The following NUBP2 variants were observed in gnomAD, a reference collection of about 807,000 sequenced individuals.
NUBP2 encodes cytosolic Fe-S cluster assembly factor NUBP2.
In NUBP2, 23 loss-of-function variants were observed where a neutral mutation model predicts 24.9. That is an observed-to-expected ratio of 0.92 (90% CI 0.66 to 1.31). The LOEUF (loss-of-function observed/expected upper bound fraction) is 1.31. Among genes scored for constraint, NUBP2 ranks in the 50% most tolerant of loss-of-function variants. NUBP2 has a pLI of 0.00. For synonymous variants in NUBP2, 186 were observed against 170.9 expected (o/e 1.09, Z -0.69); for missense variants, 403 against 386.5 (o/e 1.04, Z -0.36).
At chr16:1,787,526 G>C in intron 3 of NUBP2, 151 bp from the exon 4 acceptor site, 2 of 1,032,044 alleles carry the variant, frequency 1.9e-6, no homozygotes, top group Non-Finnish European at 1.4e-6. Flanking sequence ...CAGCGGGCCA[G>C]GGCCTCCCGA....
rs139301301 is a variant in NUBP2, at chr16:1,787,733, G to A, written c.391G>A (p.Val131Met). 2 of 1,612,682 alleles carry A rather than the reference G, an allele frequency of 1.2e-6. No homozygotes were observed. Among genetic ancestry groups the A allele is most frequent in the Non-Finnish European group, 1.7e-6 (2 of 1,179,936 alleles). Residue 131 changes from valine to methionine, a missense_variant, in exon 4 of 7, where the codon GTG becomes ATG. Val to Met is a conservative substitution (Grantham distance 21). Coordinates refer to ENST00000262302, the MANE Select transcript of NUBP2 (RefSeq NM_012225.4). Reference protein sequence around the residue: ...VAWGELDYLVVDTPPGTSDEH... With the variant: ...VAWGELDYLVMDTPPGTSDEH... ...CTGGGGGGAGCTGGACTACCTGGTG[G>A]TGGACACGCCCCCGGGGACCTCCGA...
In NUBP2 at chr16:1,788,728, G is replaced by A. The variant is rs1319320275; in HGVS notation, c.*14G>A. 6.2e-7 allele frequency: 1 copy of A among 1,602,990 alleles called. No homozygotes were observed. The highest frequency in any genetic ancestry group is 8.5e-7 in the Non-Finnish European group (1 of 1,174,096). The stretch of plus-strand genomic sequence containing the variant: ...TGCCTCCCCTGACTAAGGCCACCTT[G>A]CAGCCGCTTTCCAGGGCCACCAAGG... On this transcript the variant is annotated 3_prime_UTR_variant, in exon 7 of 7. Coordinates refer to ENST00000262302, the MANE Select transcript of NUBP2 (RefSeq NM_012225.4).
In NUBP2 at chr16:1,783,392, A is replaced by T. The variant is rs183442573; in HGVS notation, c.16+356A>T. ...CTGCACCGCAGCCCGGGCAAGAGCG[A>T]GACCCTGTCTCTAAATAAATCACAC... On this transcript the variant is annotated intron_variant, in intron 1 of 6. Coordinates refer to ENST00000262302, the MANE Select transcript of NUBP2 (RefSeq NM_012225.4). 5.7e-6 allele frequency: 6 copies of T among 1,059,558 alleles called. No homozygotes were observed. The African/African-American group carries it at 8.4e-5, about 15-fold the overall frequency. 65.6% of individuals were successfully genotyped at this position (1,059,558 alleles called of 1,614,324 possible).
intron 1 of NUBP2, chr16:1,785,080 A>T: frequency 1.0e-6 from 1 of 985,366 alleles, no homozygotes; most frequent in Non-Finnish European, 1.2e-6. Context: ...TACTGTAAAA[A>T]TATATTTGTC....
At chr16:1,783,726 T>C (rs975943097) in intron 1 of NUBP2, 25 of 174,518 alleles carry the variant, frequency 1.4e-4, no homozygotes, top group Admixed American at 3.3e-4. Flanking sequence ...CGGAGTCTCG[T>C]TCTGTCGCCC....
At chr16:1,784,095 C>CTTT in intron 1 of NUBP2, 9 of 744,274 alleles carry the variant, frequency 1.2e-5, no homozygotes, top group Non-Finnish European at 1.5e-5. Context: ...TTGATAGAAG[C>CTTT]TTTTTTTTTT....
rs766097983 is a variant in NUBP2, at chr16:1,785,952, C to T, written c.17-585C>T. 19 of 1,246,734 alleles carry T rather than the reference C, an allele frequency of 1.5e-5. No homozygotes were observed. The South Asian group carries it at 1.7e-4, about 11-fold the overall frequency. The allele number at this position is 1,246,734 out of a possible 1,614,324, so 77.2% of individuals were successfully genotyped here. ...GGTATCTGCACACAGCAGCCCCTGC[C>T]GTGTGGCAGGGACAGGATGGGACCC... On this transcript the variant is annotated intron_variant, in intron 1 of 6. Transcript: ENST00000262302.
In NUBP2 at chr16:1,785,621, G is replaced by A. The variant is rs111805911; in HGVS notation, c.17-916G>A. The A allele has an allele frequency of 5.7e-3, 7,360 of 1,285,490 alleles. 330 individuals carry two copies. The African/African-American group carries it at 0.098, about 17-fold the overall frequency. 79.6% of individuals were successfully genotyped at this position (1,285,490 alleles called of 1,614,324 possible). On this transcript the variant is annotated intron_variant, in intron 1 of 6. Transcript: ENST00000262302. ...GGGGTGACCGGGAGGCCGTGGTCTC[G>A]GGGCTTTGTGTTTGCAGGAGTGTGG...
At chr16:1,788,243 C>G in intron 6 of NUBP2, 36 bp downstream of exon 6, 8 of 1,445,072 alleles carry the variant, frequency 5.5e-6, no homozygotes, top group Middle Eastern at 4.2e-4. Flanking sequence ...GTCGCGGCCT[C>G]CCATTCCATC....
chr16:1,783,504 A>G, intron 1 of NUBP2: 4 of 988,138 alleles, frequency 4.0e-6, no homozygotes, highest in Non-Finnish European at 4.8e-6. Context: ...TGTTCAGAAA[A>G]GTGTAAGTTG....
intron 1 of NUBP2, chr16:1,786,333 G>A (rs1484239361): frequency 1.7e-6 from 1 of 597,984 alleles, no homozygotes; most frequent in Non-Finnish European, 3.0e-6. Context: ...CGTGGTCTTA[G>A]AGGGTCCCCC....
At position 1,786,933 on chromosome 16, in the gene NUBP2, G is replaced by T; in HGVS notation, c.312G>T (p.Val104=). 6.5e-7 allele frequency: 1 copy of T among 1,527,372 alleles called. No homozygotes were observed. The highest frequency in any genetic ancestry group is 8.8e-7 in the Non-Finnish European group (1 of 1,134,332). The allele number at this position is 1,527,372 out of a possible 1,614,324, so 94.6% of individuals were successfully genotyped here. Residue 104 remains valine, a synonymous_variant, in exon 3 of 7, where the codon GTG becomes GTT. Coordinates refer to ENST00000262302, the MANE Select transcript of NUBP2 (RefSeq NM_012225.4). ...TGGAGAAGCCGGACGAGGCCGTGGT[G>T]TGGAGAGGCCCCAAGAAAAACGGTA... ...FLLEKPDEAV[V]WRGPKKNALI...
In NUBP2 at chr16:1,782,961, G is replaced by A; in HGVS notation, c.-60G>A. The A allele has an allele frequency of 7.1e-7, 1 of 1,413,246 alleles. No individual in the cohort carries two copies. The highest frequency in any genetic ancestry group is 9.2e-7 in the Non-Finnish European group (1 of 1,081,634). 87.5% of individuals were successfully genotyped at this position (1,413,246 alleles called of 1,614,324 possible). ...GTTGGAAGGCCCTTCGCTCTAGCTG[G>A]GAGGCTGACGGCCCGCGGGCGTAAG... On this transcript the variant is annotated 5_prime_UTR_variant, in exon 1 of 7. Coordinates refer to ENST00000262302, the MANE Select transcript of NUBP2 (RefSeq NM_012225.4).
chr16:1,785,189 G>A (rs909682735), intron 1 of NUBP2: 23 of 998,358 alleles, frequency 2.3e-5, no homozygotes, highest in African/African-American at 3.5e-5. Context: ...ATGGTGCTTC[G>A]CCTCCTTCCT....
At position 1,783,088 on chromosome 16, in the gene NUBP2, C is replaced by T. The variant is rs559068139; in HGVS notation, c.16+52C>T. 4.5e-4 allele frequency: 552 copies of T among 1,230,054 alleles called. 3 individuals carry two copies. In the African/African-American group the frequency reaches 7.7e-3, roughly 17 times the overall value. The allele number at this position is 1,230,054 out of a possible 1,614,324, so 76.2% of individuals were successfully genotyped here. A position where few individuals can be genotyped will look rare whatever the true frequency, so the allele number is the denominator to read the frequency against. ...CGCTCCAGGGCCTCGCTTGGGGCCC[C>T]GCCGCGTCCCTTCCCGGGGCGGCCT... On this transcript the variant is annotated intron_variant, in intron 1 of 6. Transcript: ENST00000262302.
chr16:1,788,442 G>C, intron 6 of NUBP2, 127 bp from the exon 7 acceptor site: 1 of 1,362,342 alleles, frequency 7.3e-7, no homozygotes, highest in South Asian at 1.6e-5. Context: ...CGGGTCTGGA[G>C]GTGGAAATCG....
At position 1,788,692 on chromosome 16, in the gene NUBP2, C is replaced by G. The variant is rs142032013; in HGVS notation, c.794C>G (p.Ala265Gly). Reference sequence around the variant, plus strand: ...TCCATAGCCCAGAAGATTCTGGACGCGACGCCCGCGTGCCTCCCCTGACTA... The same window carrying G: ...TCCATAGCCCAGAAGATTCTGGACGGGACGCCCGCGTGCCTCCCCTGACTA... ...LTSIAQKILD[A>G]TPACLP The change falls in exon 7 of 7, where the codon GCG becomes GGG. Residue 265 changes from alanine to glycine, a missense_variant. Transcript: ENST00000262302. The G allele has an allele frequency of 6.2e-7, 1 of 1,611,646 alleles. No individual in the cohort carries two copies. The highest frequency in any genetic ancestry group is 1.1e-5 in the South Asian group (1 of 90,972).
Position 1,788,883 on chromosome 16 carries a change from C to T in NUBP2, c.*169C>T, listed in dbSNP as rs878946355. 3.9e-5 allele frequency: 34 copies of T among 879,160 alleles called. No individual in the cohort carries two copies. In the South Asian group the frequency reaches 6.3e-4, roughly 16 times the overall value. The allele number at this position is 879,160 out of a possible 1,614,324, so 54.5% of individuals were successfully genotyped here. On this transcript the variant is annotated 3_prime_UTR_variant, in exon 7 of 7. Transcript: ENST00000262302. ...CCAGCCCCAGGATGTGTCGCACCAG[C>T]AGCTCTGCCTGGTTGGCCTGCAGTG...
rs1897127468 is a variant in NUBP2, at chr16:1,788,872, T to C, written c.*158T>C. The C allele has an allele frequency of 4.2e-6, 4 of 954,706 alleles. No individual in the cohort carries two copies. The East Asian group carries it at 1.1e-4, about 26-fold the overall frequency. 59.1% of individuals were successfully genotyped at this position (954,706 alleles called of 1,614,324 possible). ...CCCCGACCAGCCCAGCCCCAGGATG[T>C]GTCGCACCAGCAGCTCTGCCTGGTT... is the stretch of plus-strand genomic sequence containing the variant. On this transcript the variant is annotated 3_prime_UTR_variant, in exon 7 of 7. Transcript: ENST00000262302.
Sources: allele counts gnomAD v4.1 joint callset, GRCh38; gene constraint gnomAD v4.1.1; transcripts MANE v1.5; gene names NCBI Gene and HGNC (gene_info 2026-07-23, HGNC 2026-07-21).